The following PECAM1 variants were observed in gnomAD, a reference collection of about 807,000 sequenced individuals.
PECAM1 encodes platelet endothelial cell adhesion molecule.
PECAM1 carries 8 observed loss-of-function variants against 13.8 expected under a neutral mutation model. The observed-to-expected ratio is 0.58, with a 90% CI of 0.34 to 1.05. PECAM1 has a LOEUF of 1.05. PECAM1 is among the 50% of genes least tolerant of loss of function. The probability of loss-of-function intolerance (pLI) is 0.03; values close to 1 mark genes in which losing one functional copy is unlikely to be tolerated. For synonymous variants in PECAM1, 136 were observed against 52.6 expected, an observed-to-expected ratio of 2.58 and a Z score of -6.86; for missense variants, 304 against 141.2, an observed-to-expected ratio of 2.15 and a Z score of -5.84.
rs782180327 is a variant in PECAM1 at position 64,323,807 on chromosome 17, C to T, written c.*9G>A. 1.1e-6 allele frequency: 1 copy of T among 918,550 alleles called. No individual in the cohort carries two copies. 56.9% of individuals were successfully genotyped at this position (918,550 alleles called of 1,614,324 possible). On this transcript the variant is annotated 3_prime_UTR_variant, in exon 16 of 16. Transcript: ENST00000563924. ...TGTCCTTCCAGGGATGTGCATCTGG[C>T]CTTGCTGTCTAAGTTCCATCAAGGG...
chr17:64,334,543 CT>C (rs1341536281), intron 14 of PECAM1, among the ~76,000 whole-genome samples: 2 of 152,024 alleles, frequency 1.3e-5, no homozygotes, highest in Non-Finnish European at 2.9e-5. Flanking sequence ...GAGTCTCACT[CT>C]GTCGCCCAGG....
rs1199108417 is a variant in PECAM1 at position 64,319,983 on chromosome 17, C to T, written c.*3833G>A. The T allele has an allele frequency of 6.6e-6, 1 of 152,226 alleles. No individual in the cohort carries two copies. Among genetic ancestry groups the T allele is most frequent in the Non-Finnish European group, 1.5e-5 (1 of 68,054 alleles). The allele number at this position is 152,226 out of a possible 1,614,324, so 9.4% of individuals were successfully genotyped here. A position where few individuals can be genotyped will look rare whatever the true frequency, so the allele number is the denominator to read the frequency against. On this transcript the variant is annotated 3_prime_UTR_variant, in exon 16 of 16. Coordinates refer to ENST00000563924, the MANE Select transcript of PECAM1 (RefSeq NM_000442.5). ...TGTGGGGGCCCTCACCTGTCCTGCT[C>T]ATGTTTGCCTAGCTCCCTACTCTAA...
At chr17:64,389,795 C>T (rs949616711) in intron 2 of PECAM1, among the ~76,000 whole-genome samples, 20 of 152,130 alleles carry the variant, frequency 1.3e-4, no homozygotes, top group Non-Finnish European at 2.9e-4. Flanking sequence ...CACCTGTAAT[C>T]CCAGCACTTT....
At chr17:64,360,001 C>T (rs2143808380) in intron 7 of PECAM1, 139 bp downstream of exon 7, 2 of 470,406 alleles carry the variant, frequency 4.3e-6, no homozygotes, top group Admixed American at 3.2e-5. Flanking sequence ...ATTCACCGGC[C>T]TTGGCCTCCT....
intron 7 of PECAM1, among the ~76,000 whole-genome samples, chr17:64,357,438 G>C (rs932799239): frequency 6.6e-6 from 1 of 152,242 alleles, no homozygotes; most frequent in East Asian, 1.9e-4. Context: ...TCCTGTATCC[G>C]CTTTTCCTAG....
chr17:64,329,012 C>T (rs2035032214), intron 15 of PECAM1, among the ~76,000 whole-genome samples: 2 of 152,024 alleles, frequency 1.3e-5, no homozygotes, highest in African/African-American at 4.8e-5. Flanking sequence ...TATCTTTCTC[C>T]CGTCACTTGT....
chr17:64,322,859 G>A lies in PECAM1; in HGVS notation c.*957C>T, dbSNP rs2034840268. 1 of 321,096 alleles carries A rather than the reference G, an allele frequency of 3.1e-6. No individual in the cohort carries two copies. Among genetic ancestry groups the A allele is most frequent in the Non-Finnish European group, 4.5e-6 (1 of 222,928 alleles). 19.9% of individuals were successfully genotyped at this position (321,096 alleles called of 1,614,324 possible). A position where few individuals can be genotyped will look rare whatever the true frequency, so the allele number is the denominator to read the frequency against. ...GCCTCTTGAGTAGCTGATACTACAG[G>A]CATGCGCCACCACGCCCGGCTAATT... On this transcript the variant is annotated 3_prime_UTR_variant, in exon 16 of 16. Coordinates refer to ENST00000563924, the MANE Select transcript of PECAM1 (RefSeq NM_000442.5).
chr17:64,321,328 G>A lies in PECAM1; in HGVS notation c.*2488C>T, dbSNP rs1051988279. 1.1e-5 allele frequency: 7 copies of A among 644,722 alleles called. No homozygotes were observed. The highest frequency in any genetic ancestry group is 6.9e-5 in the South Asian group (1 of 14,596). The allele number at this position is 644,722 out of a possible 1,614,324, so 39.9% of individuals were successfully genotyped here. A position where few individuals can be genotyped will look rare whatever the true frequency, so the allele number is the denominator to read the frequency against. On this transcript the variant is annotated 3_prime_UTR_variant, in exon 16 of 16. Transcript: ENST00000563924. ...AGGTTTAGACACCGGGGTTACGGCA[G>A]CTGCCGAGGAAGGCTAAAGCCAGCG... is the stretch of plus-strand genomic sequence containing the variant.
At chr17:64,324,057 C>A (rs766066723) in intron 15 of PECAM1, 75 of 816,090 alleles carry the variant, frequency 9.2e-5, no homozygotes, top group Non-Finnish European at 1.3e-4. Flanking sequence ...CCTCAGAAGA[C>A]AACATTTCAC....
chr17:64,362,148 C>T (rs2035997524), intron 6 of PECAM1, among the ~76,000 whole-genome samples: 2 of 152,214 alleles, frequency 1.3e-5, no homozygotes. Flanking sequence ...AGACCAACAG[C>T]ATCCACATCA....
At chr17:64,352,744 T>C (rs1372344826) in intron 10 of PECAM1, among the ~76,000 whole-genome samples, 1 of 151,902 alleles carries the variant, frequency 6.6e-6, no homozygotes, top group Non-Finnish European at 1.5e-5. Flanking sequence ...AGCCTCCGCC[T>C]CCTGGGTTCA....
intron 12 of PECAM1, among the ~76,000 whole-genome samples, chr17:64,350,116 G>C (rs2035681338): frequency 6.6e-6 from 1 of 152,144 alleles, no homozygotes; most frequent in African/African-American, 2.4e-5. Flanking sequence ...TTACCCAGTA[G>C]CTCATTATGA....
intron 14 of PECAM1, among the ~76,000 whole-genome samples, chr17:64,340,516 T>C: frequency 6.6e-6 from 1 of 152,062 alleles, no homozygotes; most frequent in South Asian, 2.1e-4. Flanking sequence ...TCCCCCACAA[T>C]GTTTACGTCT....
At chr17:64,356,829 G>A (rs1029706508) in intron 7 of PECAM1, among the ~76,000 whole-genome samples, 20 of 152,080 alleles carry the variant, frequency 1.3e-4, no homozygotes, top group African/African-American at 4.6e-4. Flanking sequence ...CTAGCTATCG[G>A]CCATTTTTTC....
rs2143635807 is a variant in PECAM1, at chr17:64,319,886, G to A, written c.*3930C>T. On this transcript the variant is annotated 3_prime_UTR_variant, in exon 16 of 16. Coordinates refer to ENST00000563924, the MANE Select transcript of PECAM1 (RefSeq NM_000442.5). ...AGACTGTCCTTGCTTGGAGCTGGCT[G>A]CAACCAATTATTATTTTACAGAGAC... 6.6e-6 allele frequency: 1 copy of A among 152,246 alleles called. No homozygotes were observed. Among genetic ancestry groups the A allele is most frequent in the South Asian group, 2.1e-4 (1 of 4,828 alleles). The allele number at this position is 152,246 out of a possible 1,614,324, so 9.4% of individuals were successfully genotyped here. A position where few individuals can be genotyped will look rare whatever the true frequency, so the allele number is the denominator to read the frequency against.
intron 4 of PECAM1, among the ~76,000 whole-genome samples, chr17:64,370,750 A>C (rs2036220811): frequency 6.6e-6 from 1 of 152,218 alleles, no homozygotes; most frequent in African/African-American, 2.4e-5. Context: ...TCTTCAGGGA[A>C]GTAGGGATAG....
At position 64,360,142 on chromosome 17, in the gene PECAM1, A is replaced by G; in HGVS notation, c.1490T>C (p.Ile497Thr). The G allele has an allele frequency of 2.1e-6, 1 of 475,268 alleles. No homozygotes were observed. Among genetic ancestry groups the G allele is most frequent in the Non-Finnish European group, 3.9e-6 (1 of 259,044 alleles). 29.4% of individuals were successfully genotyped at this position (475,268 alleles called of 1,614,324 possible). ...CTTCTCACAGCACAGCAACTTACCT[A>G]TCACCTTCACCCTCAGAACCTCACT... The part of the protein sequence containing the change: ...MLSEVLRVKV[I>T]APVDEVQISI... The change falls in exon 7 of 16, where the codon ATA becomes ACA. Residue 497 changes from isoleucine (I) to threonine (T), a missense_variant and splice_region_variant. By Grantham distance (89) the Ile-to-Thr change is moderately conservative. Coordinates refer to ENST00000563924, the MANE Select transcript of PECAM1 (RefSeq NM_000442.5).
At chr17:64,329,325 G>T (rs935726496) in intron 15 of PECAM1, among the ~76,000 whole-genome samples, 1 of 152,000 alleles carries the variant, frequency 6.6e-6, no homozygotes, top group African/African-American at 2.4e-5. Flanking sequence ...GTGTGTAGGG[G>T]GTAATTAGAA....
At chr17:64,332,235 A>T (rs868944853) in intron 14 of PECAM1, among the ~76,000 whole-genome samples, 1 of 152,108 alleles carries the variant, frequency 6.6e-6, no homozygotes, top group African/African-American at 2.4e-5. Context: ...GCTAATGTTG[A>T]GCCATTGTGT....
Sources: gnomAD v4.1 joint callset for allele counts (sites outside exome capture counted in the v4.1 genomes callset) on GRCh38, gnomAD v4.1.1 for gene constraint, MANE v1.5 for transcripts, NCBI Gene and HGNC (gene_info 2026-07-23, HGNC 2026-07-21) for gene names.